POLR1A: variants seen among roughly 807,000 people sequenced by gnomAD.
The protein encoded by POLR1A is RNA polymerase I subunit A, also known as DNA-directed RNA polymerase I subunit RPA1.
In POLR1A, 84 loss-of-function variants were observed where a neutral mutation model predicts 205.3. The ratio of observed to expected loss-of-function variants is 0.41; its 90% confidence interval spans 0.34 to 0.49. The LOEUF (loss-of-function observed/expected upper bound fraction) is 0.49, where lower values mean the gene tolerates loss of function less well. POLR1A is among the 20% of genes least tolerant of loss of function. POLR1A has a pLI of 0.22. For missense variants in POLR1A, 1,645 were observed against 2,204.5 expected (o/e 0.75, Z 5.08); for synonymous variants, 799 against 863.7 (o/e 0.93, Z 1.31).
In POLR1A at chr2:86,028,111, C is replaced by T. The variant is rs1371689288; in HGVS notation, c.4898-62G>A. The T allele has an allele frequency of 3.9e-6, 6 of 1,548,202 alleles. No individual in the cohort carries two copies. The highest frequency in any genetic ancestry group is 5.3e-6 in the Non-Finnish European group (6 of 1,122,762). ...AGTGACCACGGGAGCAGTCAGCAGA[C>T]ACAAGCCAAGCTGCCTCCACATCAG... On this transcript the variant is annotated intron_variant, in intron 32 of 33. Coordinates refer to ENST00000263857, the MANE Select transcript of POLR1A (RefSeq NM_015425.6). This position sits in a 1 kb window ranked among gnomAD's most constrained non-coding sequence, Gnocchi z 4.5.
intron 3 of POLR1A, among the ~76,000 whole-genome samples, chr2:86,091,084 T>C (rs1673592513): frequency 1.3e-5 from 2 of 152,280 alleles, no homozygotes; most frequent in South Asian, 2.1e-4. Context: ...CAAAGGACTA[T>C]ACTCTCAGGA....
Position 86,070,701 on chromosome 2 carries a change from C to G in POLR1A, c.1612-429G>C, listed in dbSNP as rs575525965. Among the ~76,000 whole-genome samples, 11 of 108,614 alleles carry G rather than the reference C, an allele frequency of 1.0e-4. No individual in the cohort carries two copies. The highest frequency in any genetic ancestry group is 1.7e-4 in the Non-Finnish European group (8 of 48,236). 71.3% of individuals were successfully genotyped at this position (108,614 alleles called of 152,430 possible). A position where few individuals can be genotyped will look rare whatever the true frequency, so the allele number is the denominator to read the frequency against. ...GCATTGGCAGACTTTCGAATCCCCC[C>G]CCCGCCGTGATCACATGTGAGTACA... On this transcript the variant is annotated intron_variant, in intron 12 of 33. Transcript: ENST00000263857. The surrounding 1 kb of genome is among the most constrained non-coding windows in gnomAD (Gnocchi z 4.4).
At chr2:86,074,339 C>T (rs1335487091) in intron 12 of POLR1A, among the ~76,000 whole-genome samples, 13 of 152,146 alleles carry the variant, frequency 8.5e-5, no homozygotes, top group Admixed American at 8.5e-4. Context: ...CCTATTGACT[C>T]CGGTAGTCAC....
intron 21 of POLR1A, among the ~76,000 whole-genome samples, chr2:86,045,038 C>T (rs1324747403): frequency 1.3e-5 from 2 of 152,164 alleles, no homozygotes; most frequent in Non-Finnish European, 2.9e-5. Context: ...CCATAGCTTC[C>T]CCCAGGGAAT....
rs367939142 is a variant in POLR1A at position 86,045,764 on chromosome 2, C to T, written c.2739G>A (p.Ser913=). 4.5e-5 allele frequency: 73 copies of T among 1,605,426 alleles called. 1 individual carries two copies. The Admixed American group carries it at 1.1e-3, about 24-fold the overall frequency. The change falls in exon 20 of 34, where the codon TCG becomes TCA. Residue 913 remains serine (S), a synonymous_variant. Coordinates refer to ENST00000263857, the MANE Select transcript of POLR1A (RefSeq NM_015425.6). ...CCAGTTCAATCTGGCCCAGCAGGCA[C>T]GAGATCTGGAGGACAGGAAATCCAC... is the stretch of plus-strand genomic sequence containing the variant. ...KGSTVNTMQI[S]CLLGQIELEG...
At position 86,049,011 on chromosome 2, in the gene POLR1A, G is replaced by T. The variant is rs369086007; in HGVS notation, c.2507C>A (p.Ala836Asp). The change falls in exon 18 of 34, where the codon GCC (alanine) becomes GAC (aspartate). Residue 836 changes from alanine to aspartate, a missense_variant. Coordinates refer to ENST00000263857, the MANE Select transcript of POLR1A (RefSeq NM_015425.6). ...TCCTCGGACCTCATCATATGATGCG[G>T]CTTCTGGCAGGTTTAATGCAGCCCT... ...AVRAALNLPE[A>D]ASYDEVRGKW... 32 of 1,614,096 alleles carry T rather than the reference G, an allele frequency of 2.0e-5. No individual in the cohort carries two copies. The Middle Eastern group carries it at 8.2e-4, about 41-fold the overall frequency.
At chr2:86,102,953 T>C (rs545695977) in intron 1 of POLR1A, among the ~76,000 whole-genome samples, 1 of 152,372 alleles carries the variant, frequency 6.6e-6, no homozygotes, top group African/African-American at 2.4e-5. Flanking sequence ...TGCCAAGCAC[T>C]GAGCAGCTAG....
At chr2:86,072,646 G>C (rs1314073418) in intron 12 of POLR1A, among the ~76,000 whole-genome samples, 1 of 152,226 alleles carries the variant, frequency 6.6e-6, no homozygotes, top group Non-Finnish European at 1.5e-5. Flanking sequence ...AATTTTCAGA[G>C]GCAGGCTCGG....
chr2:86,075,126 T>C lies in POLR1A; in HGVS notation c.1515A>G (p.Thr505=), dbSNP rs1460728574. 1.2e-6 allele frequency: 2 copies of C among 1,613,506 alleles called. No homozygotes were observed. The highest frequency in any genetic ancestry group is 1.3e-5 in the African/African-American group (1 of 74,910). Residue 505 remains threonine, a synonymous_variant, in exon 12 of 34, where the codon ACA becomes ACG. Coordinates refer to ENST00000263857, the MANE Select transcript of POLR1A (RefSeq NM_015425.6). ...GGGTCATGTCCACAGCGCTCAGGGC[T>C]GTGCGGCTGCCGTCCTCATTGATGA... The part of the protein sequence containing the change: ...SMVINEDGSR[T]ALSAVDMTQR...
chr2:86,097,565 T>G (rs1340429621), intron 3 of POLR1A, among the ~76,000 whole-genome samples: 1 of 152,148 alleles, frequency 6.6e-6, no homozygotes, highest in Non-Finnish European at 1.5e-5. Flanking sequence ...TTGGCCATAA[T>G]AAAGCATGAA....
rs758946350 is a variant in POLR1A, at chr2:86,070,000, C to A, written c.1866+18G>T. On this transcript the variant is annotated intron_variant, in intron 13 of 33. Transcript: ENST00000263857. ...CATGCTGACGATGACCACGGAACAG[C>A]CTCAAGGCCAGACCTACCTTGGGAA... 1.9e-6 allele frequency: 3 copies of A among 1,607,548 alleles called. No individual in the cohort carries two copies. The highest frequency in any genetic ancestry group is 2.5e-6 in the Non-Finnish European group (3 of 1,176,648).
chr2:86,036,150 G>A (rs1471540959), intron 27 of POLR1A, among the ~76,000 whole-genome samples: 7 of 152,172 alleles, frequency 4.6e-5, no homozygotes, highest in South Asian at 2.1e-4. Flanking sequence ...TTCTGAACGC[G>A]CCTGGCAACA....
chr2:86,063,935 A>G (rs1231103047), intron 14 of POLR1A, among the ~76,000 whole-genome samples: 1 of 152,132 alleles, frequency 6.6e-6, no homozygotes, highest in Non-Finnish European at 1.5e-5. Flanking sequence ...ATTTCCCTTT[A>G]GATTCTTTTG....
intron 6 of POLR1A, among the ~76,000 whole-genome samples, chr2:86,088,173 T>G (rs1673535904): frequency 6.6e-6 from 1 of 152,232 alleles, no homozygotes. Context: ...TTTTGCTGAA[T>G]TCTTGCAGTT....
Position 86,020,568 on chromosome 2 carries a change from A to G in POLR1A, c.*6855T>C, listed in dbSNP as rs896934668. 2.6e-5 allele frequency: 4 copies of G among 152,038 alleles called. No homozygotes were observed. The highest frequency in any genetic ancestry group is 4.4e-5 in the Non-Finnish European group (3 of 68,118). The allele number at this position is 152,038 out of a possible 1,614,324, so 9.4% of individuals were successfully genotyped here. A position where few individuals can be genotyped will look rare whatever the true frequency, so the allele number is the denominator to read the frequency against. ...GTCTCAAAAAAAAAAAAAAAAAAAA[A>G]AAGATGCCACTGCTTCATCTATCAG... On this transcript the variant is annotated 3_prime_UTR_variant, in exon 34 of 34. Transcript: ENST00000263857.
chr2:86,048,816 A>G, intron 18 of POLR1A, 68 bp downstream of exon 18: 5 of 1,455,600 alleles, frequency 3.4e-6, no homozygotes, highest in Non-Finnish European at 4.8e-6. Flanking sequence ...GGTGAGAATC[A>G]AAATGTAATT....
At chr2:86,041,190 T>TGAGC (rs1212728761) in intron 24 of POLR1A, among the ~76,000 whole-genome samples, 1 of 41,926 alleles carries the variant, frequency 2.4e-5, no homozygotes, top group Non-Finnish European at 6.8e-5. Context: ...TGTGTGTGTG[T>TGAGC]GCGCGCTGAG....
At chr2:86,044,403 C>A in intron 21 of POLR1A, 99 bp from the exon 22 acceptor site, 1 of 1,307,922 alleles carries the variant, frequency 7.6e-7, no homozygotes, top group South Asian at 1.3e-5. Flanking sequence ...GAAAGGGGGG[C>A]TCCTGTTCTG....
rs1410110965 is a variant in POLR1A, at chr2:86,028,759, TC to T, written c.4780-49del. ...TTATTTAGAGGGCCTGGCCTTCTGC[TC>T]CCTTCTGCCTGCGTATCTCCCCCTG... On this transcript the variant is annotated intron_variant, in intron 31 of 33. Transcript: ENST00000263857. This position sits in a 1 kb window ranked among gnomAD's most constrained non-coding sequence, Gnocchi z 4.5. 5 of 1,384,454 alleles carry T rather than the reference TC, an allele frequency of 3.6e-6. No individual in the cohort carries two copies. Among genetic ancestry groups the T allele is most frequent in the Non-Finnish European group, 5.1e-6 (5 of 973,300 alleles). 85.8% of individuals were successfully genotyped at this position (1,384,454 alleles called of 1,614,324 possible). A position where few individuals can be genotyped will look rare whatever the true frequency, so the allele number is the denominator to read the frequency against.
Sources: allele counts gnomAD v4.1 joint callset (sites outside exome capture counted in the v4.1 genomes callset), GRCh38; gene constraint gnomAD v4.1.1; non-coding constraint Gnocchi (gnomAD v3.1); transcripts MANE v1.5; gene names NCBI Gene and HGNC (gene_info 2026-07-23, HGNC 2026-07-21).